Variants in NFIA observed in about 807,000 individuals in gnomAD.
NFIA encodes nuclear factor I A, also known as nuclear factor 1 A-type.
Under a neutral mutation model 62.8 loss-of-function variants are expected in NFIA, and 8 were observed. That is an observed-to-expected ratio of 0.13 (90% confidence interval 0.07 to 0.23). NFIA has a LOEUF of 0.23. NFIA is among the 10% of genes least tolerant of loss of function. The pLI is 1.00. For synonymous variants in NFIA, 235 were observed against 238.1 expected (o/e 0.99, Z 0.12); for missense variants, 410 against 642.1 (o/e 0.64, Z 3.91).
At chr1:61,140,475 C>T (rs999798298) in intron 2 of NFIA, among the ~76,000 whole-genome samples, 1 of 151,816 alleles carries the variant, frequency 6.6e-6, no homozygotes. Flanking sequence ...TTAGAGTAGA[C>T]CTGTATTGTT....
At chr1:61,355,120 AT>A (rs955236740) in intron 5 of NFIA, among the ~76,000 whole-genome samples, 1 of 152,150 alleles carries the variant, frequency 6.6e-6, no homozygotes, top group Non-Finnish European at 1.5e-5. Flanking sequence ...CTTTTACCTT[AT>A]TTTTTAGATA....
chr1:61,418,422 T>G (rs1415309150), intron 9 of NFIA, among the ~76,000 whole-genome samples: 1 of 151,938 alleles, frequency 6.6e-6, no homozygotes, highest in Non-Finnish European at 1.5e-5. Flanking sequence ...TTAAAGCCAC[T>G]GCACTCTAGC....
intron 2 of NFIA, among the ~76,000 whole-genome samples, chr1:61,111,772 C>T (rs2100454271): frequency 6.6e-6 from 1 of 152,190 alleles, no homozygotes; most frequent in South Asian, 2.1e-4. Flanking sequence ...TCCGTTACTG[C>T]TAGAGTGCTC....
intron 10 of NFIA, among the ~76,000 whole-genome samples, chr1:61,434,235 C>T (rs1288582824): frequency 2.0e-5 from 3 of 152,154 alleles, no homozygotes; most frequent in Non-Finnish European, 4.4e-5. Context: ...GTACCTAAAT[C>T]GAGGTGGTGC....
intron 2 of NFIA, among the ~76,000 whole-genome samples, chr1:61,148,403 TTGTC>T (rs1648162960): frequency 6.6e-6 from 1 of 152,292 alleles, no homozygotes; most frequent in East Asian, 1.9e-4. Context: ...CCTATCCCCT[TTGTC>T]TGGCTAATTC....
chr1:61,409,548 T>G lies in NFIA; in HGVS notation c.1420+2821T>G, dbSNP rs116553639. Among the ~76,000 whole-genome samples, 661 of 152,326 alleles carry G rather than the reference T, an allele frequency of 4.3e-3. 6 individuals carry two copies. Among genetic ancestry groups the G allele is most frequent in the African/African-American group, 0.015 (631 of 41,558 alleles). ...TAAAATATCGTCTCCCATGCCCTGA[T>G]TTCTAAACCAATTGATAAATAAAAT... On this transcript the variant is annotated intron_variant, in intron 9 of 10. Coordinates refer to ENST00000403491, the MANE Select transcript of NFIA (RefSeq NM_001134673.4).
upstream of NFIA, chr1:61,081,898 A>G (rs1557549797): frequency 5.8e-6 from 9 of 1,546,398 alleles, no homozygotes; most frequent in Middle Eastern, 1.7e-4. Flanking sequence ...CAGTGGGGGA[A>G]AAAAAGTTAC....
At chr1:61,433,947 G>A (rs1667217588) in intron 10 of NFIA, among the ~76,000 whole-genome samples, 1 of 152,152 alleles carries the variant, frequency 6.6e-6, no homozygotes, top group South Asian at 2.1e-4. Context: ...CTTACCAAAA[G>A]CAACCGTCTA....
intron 3 of NFIA, among the ~76,000 whole-genome samples, chr1:61,297,758 C>G (rs886216354): frequency 6.6e-6 from 1 of 152,106 alleles, no homozygotes; most frequent in African/African-American, 2.4e-5. Flanking sequence ...GCTAAGTGCT[C>G]TAACTGTGAA....
chr1:61,196,939 GT>G (rs1267393471), intron 2 of NFIA, among the ~76,000 whole-genome samples: 2 of 131,066 alleles, frequency 1.5e-5, no homozygotes. Context: ...GTGTGTGTGT[GT>G]GCGCGCGCGC....
At chr1:61,251,404 G>C (rs889467014) in intron 2 of NFIA, 8 of 152,118 alleles carry the variant, frequency 5.3e-5, no homozygotes, top group African/African-American at 1.9e-4. Flanking sequence ...CTTTGCAAAA[G>C]TTGCTGGGAA....
chr1:61,231,869 CAACA>C (rs1557651297), intron 2 of NFIA, among the ~76,000 whole-genome samples: 1 of 149,368 alleles, frequency 6.7e-6, no homozygotes, highest in East Asian at 1.9e-4. Context: ...CAAACAACAA[CAACA>C]AAAAAAAACA....
At chr1:61,090,008 T>C (rs989561919) in intron 2 of NFIA, among the ~76,000 whole-genome samples, 4 of 152,254 alleles carry the variant, frequency 2.6e-5, no homozygotes, top group Non-Finnish European at 5.9e-5. Context: ...TTTTCAAAAA[T>C]GTATACTTAA....
At chr1:61,310,271 CCA>C (rs1357279433) in intron 3 of NFIA, among the ~76,000 whole-genome samples, 1 of 152,190 alleles carries the variant, frequency 6.6e-6, no homozygotes, top group Non-Finnish European at 1.5e-5. Flanking sequence ...TAGGAAAAGA[CCA>C]CTGGAGATAA....
chr1:61,082,300 G>A (rs1377915109), upstream of NFIA: 1 of 287,014 alleles, frequency 3.5e-6, no homozygotes, highest in African/African-American at 2.2e-5. Flanking sequence ...CAGCCTGCGA[G>A]CGCGAGCGGC....
At chr1:61,312,933 T>C (rs1557699757) in intron 3 of NFIA, among the ~76,000 whole-genome samples, 1 of 152,250 alleles carries the variant, frequency 6.6e-6, no homozygotes, top group Non-Finnish European at 1.5e-5. Context: ...CCTTTTACTT[T>C]TAATTTATAT....
chr1:61,215,208 A>G (rs1653538823), intron 2 of NFIA, among the ~76,000 whole-genome samples: 1 of 152,248 alleles, frequency 6.6e-6, no homozygotes, highest in Non-Finnish European at 1.5e-5. Context: ...CGAACTGCTC[A>G]AAATGATTAT....
chr1:61,377,006 C>T (rs1285369012), intron 6 of NFIA, among the ~76,000 whole-genome samples: 1 of 151,936 alleles, frequency 6.6e-6, no homozygotes, highest in African/African-American at 2.4e-5. Context: ...CACCTGAGGT[C>T]TGGAGTTCGA....
chr1:61,416,212 T>C (rs981086447), intron 9 of NFIA, among the ~76,000 whole-genome samples: 1 of 152,196 alleles, frequency 6.6e-6, no homozygotes, highest in African/African-American at 2.4e-5. Context: ...AAGATATTGC[T>C]AAGTTTTCAG....
Sources: gnomAD v4.1 joint callset for allele counts (sites outside exome capture counted in the v4.1 genomes callset) on GRCh38, gnomAD v4.1.1 for gene constraint, MANE v1.5 for transcripts, NCBI Gene and HGNC (gene_info 2026-07-23, HGNC 2026-07-21) for gene names.